The following PTPRG variants were observed in gnomAD, a reference collection of about 807,000 sequenced individuals.
The protein encoded by PTPRG is protein tyrosine phosphatase receptor type G.
PTPRG carries 102 observed loss-of-function variants against 165.3 expected under a neutral mutation model. The observed-to-expected ratio is 0.62, with a 90% CI of 0.53 to 0.73. PTPRG has a LOEUF of 0.73. Among genes scored for constraint, PTPRG ranks in the 30% least tolerant of loss-of-function variants. The probability of loss-of-function intolerance (pLI) is 0.00; values close to 1 mark genes in which losing one functional copy is unlikely to be tolerated. For missense variants in PTPRG, 1,866 were observed against 1,861.4 expected (o/e 1.00, Z -0.05); for synonymous variants, 675 against 669.5 (o/e 1.01, Z -0.13).
chr3:62,026,879 TAAAA>T (rs200417191), intron 4 of PTPRG, among the ~76,000 whole-genome samples: 9 of 94,694 alleles, frequency 9.5e-5, no homozygotes, highest in Non-Finnish European at 1.6e-4. Flanking sequence ...GAGTGAGAAT[TAAAA>T]AAAAAAAAAA....
chr3:61,973,737 C>T (rs1436778614), intron 2 of PTPRG, among the ~76,000 whole-genome samples: 2 of 151,918 alleles, frequency 1.3e-5, no homozygotes, highest in Non-Finnish European at 2.9e-5. Context: ...GAGGTTGAGG[C>T]AGGGAGAATT....
Position 62,231,256 on chromosome 3 carries a change from C to T in PTPRG, c.2320C>T (p.Pro774Ser). 6.3e-7 allele frequency: 1 copy of T among 1,591,294 alleles called. No individual in the cohort carries two copies. The highest frequency in any genetic ancestry group is 8.6e-7 in the Non-Finnish European group (1 of 1,168,418). ...GCNKIKSKGF[P>S]RRFREVPSSG... is the part of the protein sequence containing the mutation. ...TAACAAAATAAAGTCCAAGGGCTTT[C>T]CCAGACGTTTCCGTGAAGTGCCTTC... Residue 774 changes from proline (P) to serine (S), a missense_variant, in exon 14 of 30, where the codon CCC becomes TCC. Physicochemically the swap from Pro to Ser is moderately conservative, Grantham distance 74. This residue lies in a region of PTPRG where 1,452 missense variants were observed against 1,463.0 expected (regional missense o/e 0.99). Coordinates refer to ENST00000474889, the MANE Select transcript of PTPRG (RefSeq NM_002841.4).
intron 2 of PTPRG, among the ~76,000 whole-genome samples, chr3:61,756,914 G>A (rs554869522): frequency 6.6e-6 from 1 of 152,150 alleles, no homozygotes; most frequent in African/African-American, 2.4e-5. Flanking sequence ...TTGGAGGAGA[G>A]CTTTTTGGCA....
chr3:61,588,229 G>A (rs1700482615), intron 1 of PTPRG, among the ~76,000 whole-genome samples: 1 of 151,976 alleles, frequency 6.6e-6, no homozygotes, highest in Non-Finnish European at 1.5e-5. Flanking sequence ...TGGAGAGCTC[G>A]TTTCAACTCT....
chr3:61,891,053 CTCATGCCTG>C (rs1156301920), intron 2 of PTPRG, among the ~76,000 whole-genome samples: 1 of 152,040 alleles, frequency 6.6e-6, no homozygotes, highest in African/African-American at 2.4e-5. Flanking sequence ...GTTGCGGTGG[CTCATGCCTG>C]TAATCCCAGC....
chr3:61,720,799 T>TCCATCAATG (rs2032013438), intron 1 of PTPRG, among the ~76,000 whole-genome samples: 2 of 152,214 alleles, frequency 1.3e-5, no homozygotes, highest in Non-Finnish European at 2.9e-5. Context: ...CATTGATGGA[T>TCCATCAATG]TAATCCCCGC....
chr3:62,154,937 G>T (rs1704479520), intron 6 of PTPRG, among the ~76,000 whole-genome samples: 1 of 152,132 alleles, frequency 6.6e-6, no homozygotes, highest in Non-Finnish European at 1.5e-5. Flanking sequence ...TCTTTACACA[G>T]CCCAGGAAGC....
chr3:61,638,591 G>GTT (rs34396141), intron 1 of PTPRG, among the ~76,000 whole-genome samples: 2,781 of 58,696 alleles, frequency 0.047, 395 homozygotes, highest in Middle Eastern at 0.11. Flanking sequence ...TGCCTGGCTA[G>GTT]TTTTTTTTTT....
chr3:61,837,204 GA>G (rs2036493120), intron 2 of PTPRG, among the ~76,000 whole-genome samples: 1 of 152,068 alleles, frequency 6.6e-6, no homozygotes, highest in African/African-American at 2.4e-5. Flanking sequence ...TGAACCACTG[GA>G]CCTGGTTAAT....
intron 1 of PTPRG, among the ~76,000 whole-genome samples, chr3:61,700,765 A>G (rs1559563330): frequency 6.6e-6 from 1 of 152,014 alleles, no homozygotes; most frequent in Non-Finnish European, 1.5e-5. Context: ...AAATTCCCCT[A>G]TTTTTTTCAC....
chr3:61,996,809 A>G (rs930738340), intron 3 of PTPRG, among the ~76,000 whole-genome samples: 1 of 151,992 alleles, frequency 6.6e-6, no homozygotes, highest in Non-Finnish European at 1.5e-5. Flanking sequence ...TTGAGCTTGG[A>G]GCTATTTCAC....
intron 1 of PTPRG, among the ~76,000 whole-genome samples, chr3:61,715,159 C>A (rs1473407818): frequency 6.6e-6 from 1 of 150,940 alleles, no homozygotes; most frequent in Admixed American, 6.6e-5. Flanking sequence ...AGAGAATCAT[C>A]TCCTGCTTGC....
chr3:61,950,980 C>T (rs537774302), intron 2 of PTPRG, among the ~76,000 whole-genome samples: 59 of 152,222 alleles, frequency 3.9e-4, no homozygotes, highest in Non-Finnish European at 7.9e-4. Flanking sequence ...TGCCATCGCT[C>T]CCTTTCAGCC....
At chr3:61,933,125 TA>T (rs2039401547) in intron 2 of PTPRG, among the ~76,000 whole-genome samples, 1 of 152,042 alleles carries the variant, frequency 6.6e-6, no homozygotes, top group Non-Finnish European at 1.5e-5. Context: ...AAAGCATAAA[TA>T]TGCAAAACAA....
At chr3:62,194,339 A>T (rs538300852) in intron 9 of PTPRG, among the ~76,000 whole-genome samples, 1 of 152,186 alleles carries the variant, frequency 6.6e-6, no homozygotes, top group Non-Finnish European at 1.5e-5. Context: ...ACAAGTACCT[A>T]TGAAGTAGCT....
At chr3:62,094,133 A>T (rs1271501029) in intron 5 of PTPRG, among the ~76,000 whole-genome samples, 1 of 152,198 alleles carries the variant, frequency 6.6e-6, no homozygotes, top group Non-Finnish European at 1.5e-5. Flanking sequence ...TGATTTGCCC[A>T]GGGCCACTCA....
intron 2 of PTPRG, among the ~76,000 whole-genome samples, chr3:61,924,993 A>G (rs1483105479): frequency 4.6e-5 from 7 of 152,220 alleles, no homozygotes; most frequent in Non-Finnish European, 1.0e-4. Flanking sequence ...GGAAGGTTAT[A>G]TTGAAATCTT....
chr3:61,638,290 T>TA (rs1385935282), intron 1 of PTPRG, among the ~76,000 whole-genome samples: 1 of 152,144 alleles, frequency 6.6e-6, no homozygotes, highest in Non-Finnish European at 1.5e-5. Context: ...TTTTTCCTGT[T>TA]ATGTTAAGCA....
chr3:61,969,995 A>C (rs1559719976), intron 2 of PTPRG, among the ~76,000 whole-genome samples: 1 of 152,238 alleles, frequency 6.6e-6, no homozygotes, highest in East Asian at 1.9e-4. Context: ...TTTTGAGTTA[A>C]ACTGTGAGGC....
Sources: allele counts gnomAD v4.1 joint callset (sites outside exome capture counted in the v4.1 genomes callset), GRCh38; gene constraint gnomAD v4.1.1; regional missense constraint gnomAD v4.1.1; transcripts MANE v1.5; gene names NCBI Gene and HGNC (gene_info 2026-07-23, HGNC 2026-07-21).